PUDP: variants seen among roughly 807,000 people sequenced by gnomAD.
The protein encoded by PUDP is pseudouridine 5'-phosphatase.
Under a neutral mutation model 9.4 loss-of-function variants are expected in PUDP, and 8 were observed. That is an observed-to-expected ratio of 0.85 (90% confidence interval 0.50 to 1.53). The LOEUF is 1.53. PUDP is among the 40% of genes most tolerant of loss of function. PUDP has a pLI of 0.00. For synonymous variants in PUDP, 99 were observed against 80.7 expected (o/e 1.23, Z -1.22); for missense variants, 188 against 189.7 (o/e 0.99, Z 0.05).
At chrX:6,914,640 C>T (rs1369880659) in intron 3 of PUDP, among the ~76,000 whole-genome samples, 1 of 112,155 alleles carries the variant, frequency 8.9e-6, no homozygotes, top group African/African-American at 3.2e-5. Context: ...CCTGGAGCAC[C>T]GCTCAGAAAA....
At position 7,077,235 on chromosome X, in the gene PUDP, A is replaced by G; in HGVS notation, c.495T>C (p.Pro165=). 1.7e-6 allele frequency: 2 copies of G among 1,194,659 alleles called. No individual in the cohort carries two copies. Among genetic ancestry groups the G allele is most frequent in the South Asian group, 1.8e-5 (1 of 54,678 alleles). Residue 165 remains proline, a synonymous_variant, in exon 3 of 4, where the codon CCT becomes CCC. Coordinates refer to ENST00000381077, the MANE Select transcript of PUDP (RefSeq NM_012080.5). ...ACCCACTTACCTTCTCCATAGCAGG[A>G]GGGGGAGAGAACCTCTTGGCACAAG... ...FLACAKRFSP[P]PAMEKCLVFE...
intron 2 of PUDP, among the ~76,000 whole-genome samples, chrX:7,082,728 T>C (rs1160843025): frequency 2.7e-5 from 3 of 112,439 alleles, no homozygotes; most frequent in Non-Finnish European, 5.6e-5. Flanking sequence ...ACTTCCTGCA[T>C]GGGCATCCTA....
At chrX:6,890,257 G>A (rs1285355705) in intron 3 of PUDP, among the ~76,000 whole-genome samples, 1 of 111,771 alleles carries the variant, frequency 8.9e-6, no homozygotes, top group Admixed American at 9.5e-5. Context: ...ACTATTCACT[G>A]GTGGAACTAT....
intron 3 of PUDP, among the ~76,000 whole-genome samples, chrX:6,792,974 G>A (rs771275396): frequency 8.9e-6 from 1 of 112,900 alleles, no homozygotes; most frequent in Non-Finnish European, 1.9e-5. Context: ...CATTTGACAG[G>A]AATGTAACTG....
chrX:7,100,444 G>A (rs768930770), intron 2 of PUDP, among the ~76,000 whole-genome samples: 29 of 112,036 alleles, frequency 2.6e-4, no homozygotes, highest in African/African-American at 9.4e-4. Context: ...CCTACAGACA[G>A]CTTTCTTTTC....
At chrX:6,795,908 T>G (rs1435505913) in intron 3 of PUDP, among the ~76,000 whole-genome samples, 1 of 111,819 alleles carries the variant, frequency 8.9e-6, no homozygotes, top group Non-Finnish European at 1.9e-5. Flanking sequence ...GAGAACGGGG[T>G]GAGAAACCCC....
Position 7,148,065 on chromosome X carries a change from C to T in PUDP, c.49G>A (p.Gly17Arg). 8.8e-7 allele frequency: 1 copy of T among 1,138,633 alleles called. No homozygotes were observed. Among genetic ancestry groups the T allele is most frequent in the Non-Finnish European group, 1.2e-6 (1 of 857,501 alleles). 93.8% of individuals were successfully genotyped at this position (1,138,633 alleles called of 1,213,427 possible). The change falls in exon 1 of 4, where the codon GGA becomes AGA. Residue 17 changes from glycine (G) to arginine (R), a missense_variant. Transcript: ENST00000381077. ...PVTHLIFDMD[G>R]LLLDTERLYS... The stretch of plus-strand genomic sequence containing the variant: ...GCACACTACCCACCCAGAAGAAGTC[C>T]GTCCATGTCAAAGATGAGGTGGGTG...
chrX:7,137,558 C>G (rs1388702683), intron 1 of PUDP, among the ~76,000 whole-genome samples: 1 of 111,517 alleles, frequency 9.0e-6, no homozygotes, highest in Admixed American at 9.5e-5. Context: ...AAAACAAACA[C>G]ACAAACAAAC....
rs958509410 is a variant in PUDP at position 6,902,691 on chromosome X, G to T, written c.*247+74442C>A. Among the ~76,000 whole-genome samples the T allele has an allele frequency of 4.7e-4, 52 of 111,609 alleles. 1 individual carries two copies. The highest frequency in any genetic ancestry group is 1.4e-3 in the Admixed American group (15 of 10,521). ...TTGCTTGGGATGTCTTATCTATTTGGTGGTCTGGCTGGTGCCATCACTGGC... is the reference window on the plus strand; with the variant it reads ...TTGCTTGGGATGTCTTATCTATTTGTTGGTCTGGCTGGTGCCATCACTGGC... On this transcript the variant is annotated intron_variant and NMD_transcript_variant, in intron 3 of 3. Coordinates refer to the PUDP transcript ENST00000655425.
chrX:6,797,433 C>A (rs1255664341), intron 3 of PUDP, among the ~76,000 whole-genome samples: 1 of 111,380 alleles, frequency 9.0e-6, no homozygotes, highest in East Asian at 2.8e-4. Flanking sequence ...ACTCCCGCAG[C>A]TAGGTCATAA....
chrX:6,731,932 C>T (rs1006581788), intron 3 of PUDP, among the ~76,000 whole-genome samples: 7 of 111,656 alleles, frequency 6.3e-5, no homozygotes, highest in Admixed American at 1.9e-4. Flanking sequence ...TACAATATAA[C>T]GACTGTAGAC....
intron 3 of PUDP, among the ~76,000 whole-genome samples, chrX:6,948,432 A>T (rs1928502115): frequency 9.0e-6 from 1 of 111,633 alleles, no homozygotes. Context: ...CCATTTTATC[A>T]GTGGGGGCAA....
intron 3 of PUDP, among the ~76,000 whole-genome samples, chrX:6,969,801 G>A (rs1412142627): frequency 8.9e-6 from 1 of 112,168 alleles, no homozygotes; most frequent in Non-Finnish European, 1.9e-5. Flanking sequence ...AGGACTCTTT[G>A]AGCCCAGGAG....
At chrX:6,788,653 C>T (rs1925687202) in intron 3 of PUDP, among the ~76,000 whole-genome samples, 2 of 111,482 alleles carry the variant, frequency 1.8e-5, no homozygotes, top group Admixed American at 1.9e-4. Context: ...TGCAGTGAGC[C>T]GAGATCGTGC....
chrX:6,713,688 G>A (rs940035332), intron 1 of PUDP, among the ~76,000 whole-genome samples: 2 of 111,200 alleles, frequency 1.8e-5, no homozygotes, highest in Admixed American at 9.6e-5. Context: ...GCATTTTTCT[G>A]TTGGGATATA....
intron 1 of PUDP, among the ~76,000 whole-genome samples, chrX:7,110,051 G>T (rs1440281955): frequency 8.9e-6 from 1 of 112,439 alleles, no homozygotes; most frequent in Admixed American, 9.3e-5. Flanking sequence ...GCATGGGGAG[G>T]GGGAGAGCCT....
chrX:7,141,935 G>A (rs1312552437), intron 1 of PUDP, among the ~76,000 whole-genome samples: 2 of 112,202 alleles, frequency 1.8e-5, no homozygotes, highest in African/African-American at 3.2e-5. Context: ...ATGGTTTACC[G>A]AATATTTTAA....
chrX:6,912,253 T>A (rs1927860136), intron 3 of PUDP, among the ~76,000 whole-genome samples: 1 of 111,896 alleles, frequency 8.9e-6, no homozygotes. Context: ...TACAGTAGGT[T>A]TAAGATTTCC....
chrX:7,065,347 G>A (rs62588691), intron 3 of PUDP, among the ~76,000 whole-genome samples: 6,459 of 111,516 alleles, frequency 0.058, 194 homozygotes, highest in South Asian at 0.085. Context: ...GAGAGTTAGC[G>A]CAGCTTGCTT....
Sources: gnomAD v4.1 joint callset for allele counts (sites outside exome capture counted in the v4.1 genomes callset) on GRCh38, gnomAD v4.1.1 for gene constraint, MANE v1.5 for transcripts, NCBI Gene and HGNC (gene_info 2026-07-23, HGNC 2026-07-21) for gene names.